The following ZBTB20 variants were observed in gnomAD, a reference collection of about 807,000 sequenced individuals.
The protein encoded by ZBTB20 is zinc finger and BTB domain containing 20.
A neutral mutation model predicts 56.9 loss-of-function variants in ZBTB20; 9 were observed. The ratio of observed to expected loss-of-function variants is 0.16; its 90% CI spans 0.10 to 0.28. The LOEUF (loss-of-function observed/expected upper bound fraction) is 0.28. Among genes scored for constraint, ZBTB20 ranks in the 10% least tolerant of loss-of-function variants. The pLI is 1.00. For missense variants in ZBTB20, 655 were observed against 1,003.0 expected, an observed-to-expected ratio of 0.65 and a Z score of 4.69; for synonymous variants, 417 against 420.7, an observed-to-expected ratio of 0.99 and a Z score of 0.11.
intron 4 of ZBTB20, among the ~76,000 whole-genome samples, chr3:114,869,003 A>G (rs746639795): frequency 5.4e-4 from 82 of 152,236 alleles, no homozygotes; most frequent in Middle Eastern, 3.4e-3. Flanking sequence ...GACCTTATGA[A>G]TCTTCCTTCA....
At chr3:115,094,319 G>GA (rs1015362925) in intron 1 of ZBTB20, among the ~76,000 whole-genome samples, 12 of 147,536 alleles carry the variant, frequency 8.1e-5, no homozygotes, top group East Asian at 2.0e-4. Context: ...TATTTAAGAA[G>GA]AAAAAAAAAC....
chr3:115,131,584 A>T (rs1218542647), intron 1 of ZBTB20, among the ~76,000 whole-genome samples: 1 of 152,184 alleles, frequency 6.6e-6, no homozygotes, highest in Non-Finnish European at 1.5e-5. Flanking sequence ...CAAAAAATAC[A>T]CATGTTCTTA....
chr3:114,682,987 T>C (rs1420711318), intron 6 of ZBTB20, among the ~76,000 whole-genome samples: 2 of 152,204 alleles, frequency 1.3e-5, no homozygotes, highest in Non-Finnish European at 2.9e-5. Context: ...TAGTTGTCAA[T>C]AGTTTATTCT....
intron 6 of ZBTB20, among the ~76,000 whole-genome samples, chr3:114,621,055 T>G (rs1417975684): frequency 6.6e-6 from 1 of 152,198 alleles, no homozygotes; most frequent in Non-Finnish European, 1.5e-5. Context: ...CCTTATAAAA[T>G]AAAATGAATT....
chr3:114,489,246 A>G (rs79815582), intron 7 of ZBTB20, among the ~76,000 whole-genome samples: 3,960 of 152,250 alleles, frequency 0.026, 130 homozygotes, highest in East Asian at 0.1. Flanking sequence ...AAAAATTCCA[A>G]TATGATCTTC....
intron 4 of ZBTB20, among the ~76,000 whole-genome samples, chr3:114,830,015 T>C (rs927153783): frequency 2.6e-5 from 4 of 151,946 alleles, no homozygotes; most frequent in Admixed American, 6.6e-5. Context: ...AACTGATCTC[T>C]ATGAGTTTTC....
In ZBTB20 at chr3:114,321,692, T is replaced by A. The variant is rs2078899888; in HGVS notation, c.*17313A>T. 1 of 152,342 alleles carries A rather than the reference T, an allele frequency of 6.6e-6. No individual in the cohort carries two copies. Among genetic ancestry groups the A allele is most frequent in the African/African-American group, 2.4e-5 (1 of 41,578 alleles). 9.4% of individuals were successfully genotyped at this position (152,342 alleles called of 1,614,324 possible). A position where few individuals can be genotyped will look rare whatever the true frequency, so the allele number is the denominator to read the frequency against. Reference sequence around the variant, plus strand: ...AAAAGAAGGAGAAAAAGAAATGGTATCTGTCAGAAAATACTGCTTTTGGTT... The same window carrying A: ...AAAAGAAGGAGAAAAAGAAATGGTAACTGTCAGAAAATACTGCTTTTGGTT... On this transcript the variant is annotated 3_prime_UTR_variant, in exon 12 of 12. Transcript: ENST00000675478.
chr3:114,866,340 T>C (rs899779938), intron 4 of ZBTB20, among the ~76,000 whole-genome samples: 1 of 152,250 alleles, frequency 6.6e-6, no homozygotes, highest in Non-Finnish European at 1.5e-5. Context: ...GACAGAATTC[T>C]AGTAAGGGCA....
At chr3:115,104,715 G>A (rs1196192757) in intron 1 of ZBTB20, among the ~76,000 whole-genome samples, 1 of 152,206 alleles carries the variant, frequency 6.6e-6, no homozygotes, top group Non-Finnish European at 1.5e-5. Flanking sequence ...AGGGTAGAGA[G>A]AGGGATGAAC....
chr3:114,925,408 A>T (rs959588463), intron 3 of ZBTB20, among the ~76,000 whole-genome samples: 16 of 152,144 alleles, frequency 1.1e-4, no homozygotes, highest in African/African-American at 3.6e-4. Flanking sequence ...TTTGCCTAGT[A>T]ATTCCAACAT....
At chr3:115,116,650 G>T in intron 1 of ZBTB20, among the ~76,000 whole-genome samples, 1 of 151,778 alleles carries the variant, frequency 6.6e-6, no homozygotes. Flanking sequence ...TGAGTATGGC[G>T]TCTACACACA....
intron 7 of ZBTB20, among the ~76,000 whole-genome samples, chr3:114,466,984 T>G (rs2092581050): frequency 6.6e-6 from 1 of 152,268 alleles, no homozygotes; most frequent in South Asian, 2.1e-4. Context: ...AAGCAGGCAG[T>G]GTTTGAGATG....
chr3:114,829,252 G>A (rs1009011063), intron 4 of ZBTB20, among the ~76,000 whole-genome samples: 1 of 151,766 alleles, frequency 6.6e-6, no homozygotes, highest in Non-Finnish European at 1.5e-5. Context: ...ATGAAGAACT[G>A]GCAAAATTCC....
At chr3:114,647,386 C>T (rs2059907898) in intron 6 of ZBTB20, among the ~76,000 whole-genome samples, 2 of 152,168 alleles carry the variant, frequency 1.3e-5, no homozygotes, top group Admixed American at 1.3e-4. Context: ...TTCTTCCTTT[C>T]TTTCCTCTCT....
intron 5 of ZBTB20, among the ~76,000 whole-genome samples, chr3:114,748,315 T>TTTC (rs1173571089): frequency 7.6e-6 from 1 of 131,246 alleles, no homozygotes; most frequent in Non-Finnish European, 1.6e-5. Context: ...TCTTTCTTTC[T>TTTC]TTCTTTCTTT....
intron 3 of ZBTB20, among the ~76,000 whole-genome samples, chr3:114,953,430 A>T (rs575395865): frequency 6.6e-6 from 1 of 152,108 alleles, no homozygotes; most frequent in Non-Finnish European, 1.5e-5. Context: ...AGAGATTATC[A>T]GAACGGATTT....
chr3:114,712,654 GAAAA>G (rs139980086), intron 5 of ZBTB20, among the ~76,000 whole-genome samples: 1 of 79,978 alleles, frequency 1.3e-5, no homozygotes, highest in African/African-American at 4.7e-5. Context: ...ACTCCATCTC[GAAAA>G]AAAAAAAAAA....
intron 10 of ZBTB20, among the ~76,000 whole-genome samples, chr3:114,361,709 G>GC (rs2081908326): frequency 6.6e-6 from 1 of 152,222 alleles, no homozygotes; most frequent in Non-Finnish European, 1.5e-5. Flanking sequence ...GAATTGGATA[G>GC]CATTACTGGA....
chr3:114,910,914 G>A (rs551116638), intron 3 of ZBTB20, among the ~76,000 whole-genome samples: 15 of 151,942 alleles, frequency 9.9e-5, no homozygotes, highest in Non-Finnish European at 1.9e-4. Context: ...TTACTATGAT[G>A]TTCCCAAGTG....
Sources: allele counts gnomAD v4.1 joint callset (sites outside exome capture counted in the v4.1 genomes callset), GRCh38; gene constraint gnomAD v4.1.1; transcripts MANE v1.5; gene names NCBI Gene and HGNC (gene_info 2026-07-23, HGNC 2026-07-21).